SLC25A48: variants seen among roughly 807,000 people sequenced by gnomAD.
The protein encoded by SLC25A48 is solute carrier family 25 member 48.
Under a neutral mutation model 32.2 loss-of-function variants are expected in SLC25A48, and 29 were observed. The observed-to-expected ratio is 0.90, with a 90% CI of 0.67 to 1.23. The LOEUF (loss-of-function observed/expected upper bound fraction) is 1.23, where lower values mean the gene tolerates loss of function less well. Ranked by LOEUF, SLC25A48 falls within the 50% of genes most tolerant of loss-of-function variation. SLC25A48 has a pLI of 0.00. For missense variants in SLC25A48, 399 were observed against 422.7 expected, an observed-to-expected ratio of 0.94 and a Z score of 0.49; for synonymous variants, 164 against 172.3, an observed-to-expected ratio of 0.95 and a Z score of 0.38.
At chr5:135,655,610 G>T (rs886946425) in intron 3 of SLC25A48, among the ~76,000 whole-genome samples, 2 of 152,194 alleles carry the variant, frequency 1.3e-5, no homozygotes, top group Non-Finnish European at 1.5e-5. Context: ...GTGGTCTTCA[G>T]TGTGGGGACA....
At chr5:135,703,270 G>T (rs1754433669) in intron 3 of SLC25A48, among the ~76,000 whole-genome samples, 1 of 152,188 alleles carries the variant, frequency 6.6e-6, no homozygotes, top group Non-Finnish European at 1.5e-5. Context: ...AACCTGAAAT[G>T]TTCAATCACT....
At chr5:135,656,236 G>A (rs1380780733) in intron 3 of SLC25A48, among the ~76,000 whole-genome samples, 1 of 152,066 alleles carries the variant, frequency 6.6e-6, no homozygotes, top group Admixed American at 6.6e-5. Flanking sequence ...GCTATCCTGG[G>A]TTGTGAAAGT....
At chr5:135,766,403 C>T (rs1756230468) in intron 3 of SLC25A48, among the ~76,000 whole-genome samples, 1 of 151,532 alleles carries the variant, frequency 6.6e-6, no homozygotes, top group Admixed American at 6.6e-5. Flanking sequence ...ATTGTACACC[C>T]TCCTGTGATA....
chr5:135,779,666 G>C (rs1283957774), intron 3 of SLC25A48, among the ~76,000 whole-genome samples: 1 of 117,330 alleles, frequency 8.5e-6, no homozygotes, highest in Non-Finnish European at 2.1e-5. Flanking sequence ...ATATCGAAGG[G>C]GATGTACAAC....
At chr5:135,829,661 GAGGC>G (rs1346177795), upstream of SLC25A48, among the ~76,000 whole-genome samples, 5 of 143,318 alleles carry the variant, frequency 3.5e-5, no homozygotes, top group Non-Finnish European at 7.6e-5. Context: ...TGGAGAAACT[GAGGC>G]AGAAAAGTTA....
intron 1 of SLC25A48, among the ~76,000 whole-genome samples, chr5:135,599,585 G>A (rs1432864923): frequency 6.6e-6 from 1 of 152,242 alleles, no homozygotes; most frequent in Non-Finnish European, 1.5e-5. Context: ...GGGAAACCGA[G>A]GCTGGGAGTT....
chr5:135,877,006 GGA>G (rs1406650353), intron 6 of SLC25A48, among the ~76,000 whole-genome samples: 1 of 152,186 alleles, frequency 6.6e-6, no homozygotes, highest in Non-Finnish European at 1.5e-5. Context: ...TTGCTATGGA[GGA>G]AGAAGTTTGT....
At chr5:135,585,157 C>G (rs887744996) in intron 1 of SLC25A48, among the ~76,000 whole-genome samples, 5 of 152,158 alleles carry the variant, frequency 3.3e-5, no homozygotes, top group Admixed American at 6.5e-5. Flanking sequence ...AGCTGTCCCC[C>G]ACTGCTTGGC....
At chr5:135,852,142 G>A (rs1759922135) in intron 3 of SLC25A48, among the ~76,000 whole-genome samples, 1 of 152,130 alleles carries the variant, frequency 6.6e-6, no homozygotes, top group South Asian at 2.1e-4. Flanking sequence ...TGCTCCCCAG[G>A]GCCTGGCCCC....
chr5:135,764,974 G>C (rs1425293092), intron 3 of SLC25A48, among the ~76,000 whole-genome samples: 4 of 151,732 alleles, frequency 2.6e-5, no homozygotes, highest in African/African-American at 7.3e-5. Context: ...ATCTCCCTGT[G>C]ATATGGTTCA....
chr5:135,717,655 G>A (rs1207261211), intron 3 of SLC25A48, among the ~76,000 whole-genome samples: 2 of 152,190 alleles, frequency 1.3e-5, no homozygotes, highest in Non-Finnish European at 2.9e-5. Flanking sequence ...GATGGGGGAT[G>A]CACAGGTTGG....
At position 135,789,901 on chromosome 5, in the gene SLC25A48, A is replaced by G. The variant is rs193117241; in HGVS notation, c.-520-22622A>G. Among the ~76,000 whole-genome samples, 4 of 152,134 alleles carry G rather than the reference A, an allele frequency of 2.6e-5. No individual in the cohort carries two copies. In the East Asian group the frequency reaches 5.8e-4, roughly 22 times the overall value. ...GTACACCTCTTGAGACATTAGGAGT[A>G]AGATCTCCCTACAATATTACAAATA... is the stretch of plus-strand genomic sequence containing the variant. On this transcript the variant is annotated intron_variant, in intron 3 of 10. Coordinates refer to the SLC25A48 transcript ENST00000646290.
At chr5:135,770,100 G>T (rs1050848283) in intron 3 of SLC25A48, among the ~76,000 whole-genome samples, 1 of 151,224 alleles carries the variant, frequency 6.6e-6, no homozygotes, top group African/African-American at 2.4e-5. Flanking sequence ...GGGAGACAAT[G>T]ATATTATTCC....
intron 1 of SLC25A48, among the ~76,000 whole-genome samples, chr5:135,588,604 G>A (rs890226287): frequency 6.6e-6 from 1 of 152,238 alleles, no homozygotes; most frequent in African/African-American, 2.4e-5. Context: ...TCCCATCCAG[G>A]TTGGGGATTG....
At chr5:135,803,096 AG>A (rs914419773) in intron 3 of SLC25A48, 5 of 151,446 alleles carry the variant, frequency 3.3e-5, no homozygotes, top group African/African-American at 1.2e-4. Flanking sequence ...TATCCTATGG[AG>A]GTATTACTCT....
At chr5:135,619,972 T>G (rs900503270) in intron 1 of SLC25A48, among the ~76,000 whole-genome samples, 1 of 152,182 alleles carries the variant, frequency 6.6e-6, no homozygotes, top group African/African-American at 2.4e-5. Context: ...TTCTTGGGCC[T>G]CCAGGTGGCT....
intron 3 of SLC25A48, among the ~76,000 whole-genome samples, chr5:135,681,062 C>T (rs369599781): frequency 3.3e-5 from 5 of 152,130 alleles, no homozygotes; most frequent in South Asian, 2.1e-4. Context: ...CTTGGCTCAC[C>T]GCAACCTCTG....
intron 3 of SLC25A48, among the ~76,000 whole-genome samples, chr5:135,687,996 T>TCCC (rs1227428216): frequency 6.4e-5 from 1 of 15,548 alleles, no homozygotes; most frequent in Non-Finnish European, 1.9e-4. Context: ...TACAGCCATC[T>TCCC]CCCCCATCCA....
chr5:135,653,801 A>T, intron 3 of SLC25A48: 1 of 456,212 alleles, frequency 2.2e-6, no homozygotes. Context: ...CCAGAGAAGG[A>T]ATATCTCATT....
Sources: allele counts gnomAD v4.1 joint callset (sites outside exome capture counted in the v4.1 genomes callset), GRCh38; gene constraint gnomAD v4.1.1; transcripts MANE v1.5; gene names NCBI Gene and HGNC (gene_info 2026-07-23, HGNC 2026-07-21).